The following ANKS1A variants were observed in gnomAD, a reference collection of about 807,000 sequenced individuals.
ANKS1A encodes ankyrin repeat and SAM domain-containing protein 1A.
A neutral mutation model predicts 120.3 loss-of-function variants in ANKS1A; 55 were observed. The observed-to-expected ratio is 0.46, with a 90% CI of 0.37 to 0.57. The LOEUF (loss-of-function observed/expected upper bound fraction) is 0.57. ANKS1A is among the 20% of genes least tolerant of loss of function. The pLI is 0.00. For missense variants in ANKS1A, 1,123 were observed against 1,480.3 expected, an observed-to-expected ratio of 0.76 and a Z score of 3.96; for synonymous variants, 590 against 604.7, an observed-to-expected ratio of 0.98 and a Z score of 0.36.
At chr6:34,945,223 GCACCACCA>G (rs1236744256) in intron 1 of ANKS1A, among the ~76,000 whole-genome samples, 1 of 152,044 alleles carries the variant, frequency 6.6e-6, no homozygotes, top group African/African-American at 2.4e-5. Flanking sequence ...CTACAGGCAT[GCACCACCA>G]CACCTGGCTA....
chr6:34,981,542 A>G, intron 3 of ANKS1A, 148 bp from the exon 4 acceptor site: 1 of 781,682 alleles, frequency 1.3e-6, no homozygotes, highest in Non-Finnish European at 2.0e-6. Flanking sequence ...TTTGTGGGGG[A>G]GTATGTCTGG....
At chr6:34,969,249 T>G (rs1771060475) in intron 2 of ANKS1A, among the ~76,000 whole-genome samples, 1 of 151,986 alleles carries the variant, frequency 6.6e-6, no homozygotes, top group Admixed American at 6.6e-5. Context: ...CAATAACTAT[T>G]TATTTATTTA....
chr6:34,947,596 T>A (rs1202087486), intron 1 of ANKS1A, among the ~76,000 whole-genome samples: 2 of 152,242 alleles, frequency 1.3e-5, no homozygotes, highest in East Asian at 3.8e-4. Context: ...GAAGCTGTAT[T>A]TCTTCCCATA....
intron 1 of ANKS1A, among the ~76,000 whole-genome samples, chr6:34,940,846 T>C (rs2127482920): frequency 6.6e-6 from 1 of 151,424 alleles, no homozygotes; most frequent in African/African-American, 2.4e-5. Context: ...AGGCGGAGGT[T>C]GCAGTGAGCT....
At chr6:34,902,539 C>T (rs371708731) in intron 1 of ANKS1A, among the ~76,000 whole-genome samples, 13 of 152,060 alleles carry the variant, frequency 8.5e-5, no homozygotes, top group East Asian at 5.8e-4. Context: ...TGAGCTACCG[C>T]GCCTGGCCCA....
rs540842232 is a variant in ANKS1A, at chr6:34,961,960, G to A, written c.198-5279G>A. Among the ~76,000 whole-genome samples, 317 of 152,290 alleles carry A rather than the reference G, an allele frequency of 2.1e-3. 2 individuals are homozygous for A. Among genetic ancestry groups the A allele is most frequent in the Non-Finnish European group, 3.7e-3 (254 of 68,026 alleles). On this transcript the variant is annotated intron_variant, in intron 1 of 23. Coordinates refer to ENST00000360359, the MANE Select transcript of ANKS1A (RefSeq NM_015245.3). ...GAGTTTTTGATCTGCCGCTGATTTC[G>A]TGTGTGATTTGGGGCAAATAATTTG...
intron 13 of ANKS1A, among the ~76,000 whole-genome samples, chr6:35,065,093 C>T (rs1005347025): frequency 5.9e-5 from 9 of 152,292 alleles, no homozygotes; most frequent in African/African-American, 2.2e-4. Context: ...CAGGGCCTCA[C>T]CATCTCTGCC....
intron 11 of ANKS1A, among the ~76,000 whole-genome samples, chr6:35,020,138 G>A (rs962156572): frequency 1.3e-5 from 2 of 152,148 alleles, no homozygotes; most frequent in African/African-American, 4.8e-5. Context: ...AGGGCCTCGA[G>A]CATCAGGCCA....
chr6:35,007,222 A>G (rs1773510777), intron 10 of ANKS1A, among the ~76,000 whole-genome samples: 2 of 152,278 alleles, frequency 1.3e-5, no homozygotes, highest in African/African-American at 2.4e-5. Flanking sequence ...ATCCTGTACT[A>G]TGCAGGACAG....
At chr6:34,975,719 A>G (rs1771537096) in intron 3 of ANKS1A, among the ~76,000 whole-genome samples, 1 of 152,076 alleles carries the variant, frequency 6.6e-6, no homozygotes, top group South Asian at 2.1e-4. Context: ...AGCAGTGATC[A>G]CTGTCACCTG....
At chr6:34,930,431 A>G (rs1768924001) in intron 1 of ANKS1A, among the ~76,000 whole-genome samples, 1 of 152,222 alleles carries the variant, frequency 6.6e-6, no homozygotes, top group Non-Finnish European at 1.5e-5. Context: ...CCTTAGCAGA[A>G]CAGGGTTCAG....
At chr6:34,921,358 A>G (rs1042465859) in intron 1 of ANKS1A, among the ~76,000 whole-genome samples, 6 of 152,238 alleles carry the variant, frequency 3.9e-5, no homozygotes, top group Non-Finnish European at 8.8e-5. Flanking sequence ...GCAACAAAAT[A>G]CACGGGCTTA....
chr6:35,051,298 G>A (rs189324705), intron 11 of ANKS1A, among the ~76,000 whole-genome samples: 2 of 152,362 alleles, frequency 1.3e-5, no homozygotes, highest in African/African-American at 4.8e-5. Flanking sequence ...GAGCGGAGAA[G>A]CAGCGAGGGT....
At chr6:35,002,399 A>T (rs985248306) in intron 10 of ANKS1A, among the ~76,000 whole-genome samples, 7 of 152,198 alleles carry the variant, frequency 4.6e-5, no homozygotes, top group African/African-American at 1.7e-4. Context: ...GAGGAAACTC[A>T]TCGCGGGACT....
intron 1 of ANKS1A, among the ~76,000 whole-genome samples, chr6:34,929,825 T>TTCTTTCTTTCTC: frequency 6.9e-6 from 1 of 144,552 alleles, no homozygotes; most frequent in South Asian, 2.4e-4. Context: ...CTCTTTCTCT[T>TTCTTTCTTTCTC]TCTTTCTTTC....
At chr6:34,913,078 C>G (rs1360470471) in intron 1 of ANKS1A, among the ~76,000 whole-genome samples, 1 of 152,122 alleles carries the variant, frequency 6.6e-6, no homozygotes, top group Non-Finnish European at 1.5e-5. Context: ...TGTTAGGAGC[C>G]AGGTACAGAA....
chr6:34,956,801 G>A (rs748208266), intron 1 of ANKS1A, among the ~76,000 whole-genome samples: 7 of 152,082 alleles, frequency 4.6e-5, no homozygotes, highest in East Asian at 1.9e-4. Flanking sequence ...ATATTCCTGC[G>A]TCTAGATCCA....
intron 1 of ANKS1A, among the ~76,000 whole-genome samples, chr6:34,916,841 A>G (rs1282118868): frequency 6.6e-6 from 1 of 152,226 alleles, no homozygotes; most frequent in African/African-American, 2.4e-5. Flanking sequence ...TTTATTTAGT[A>G]TAGTCCATCG....
At chr6:34,992,268 G>C (rs946407505) in intron 9 of ANKS1A, among the ~76,000 whole-genome samples, 1 of 152,186 alleles carries the variant, frequency 6.6e-6, no homozygotes. Flanking sequence ...CTCTCTGGCT[G>C]TTACTGTGAT....
Sources: allele counts gnomAD v4.1 joint callset (sites outside exome capture counted in the v4.1 genomes callset), GRCh38; gene constraint gnomAD v4.1.1; transcripts MANE v1.5; gene names NCBI Gene and HGNC (gene_info 2026-07-23, HGNC 2026-07-21).